RUBCN: variants seen among roughly 807,000 people sequenced by gnomAD.
RUBCN encodes rubicon autophagy regulator, also known as run domain Beclin-1-interacting and cysteine-rich domain-containing protein.
Under a neutral mutation model 113.2 loss-of-function variants are expected in RUBCN, and 74 were observed. The observed-to-expected ratio is 0.65, with a 90% CI of 0.54 to 0.79. The LOEUF (loss-of-function observed/expected upper bound fraction) is 0.79, where lower values mean the gene tolerates loss of function less well. RUBCN is among the 30% of genes least tolerant of loss of function. The pLI is 0.00. For missense variants in RUBCN, 1,109 were observed against 1,251.7 expected, an observed-to-expected ratio of 0.89 and a Z score of 1.72; for synonymous variants, 480 against 490.0, an observed-to-expected ratio of 0.98 and a Z score of 0.27.
chr3:197,729,370 A>G (rs905686442), intron 1 of RUBCN, among the ~76,000 whole-genome samples: 21 of 151,932 alleles, frequency 1.4e-4, no homozygotes, highest in African/African-American at 5.1e-4. Flanking sequence ...CTCCTGCCTC[A>G]GCCTCCCAAG....
intron 1 of RUBCN, among the ~76,000 whole-genome samples, chr3:197,742,103 G>A (rs1728549553): frequency 6.6e-6 from 1 of 151,824 alleles, no homozygotes; most frequent in Admixed American, 6.6e-5. Context: ...CACTGTGTTA[G>A]CCAGGATGGT....
intron 11 of RUBCN, among the ~76,000 whole-genome samples, chr3:197,686,061 C>T (rs1041236412): frequency 6.7e-6 from 1 of 149,248 alleles, no homozygotes. Flanking sequence ...GGGAGTAACA[C>T]AAAAGAAAAA....
At chr3:197,733,713 C>T (rs879363718) in intron 1 of RUBCN, among the ~76,000 whole-genome samples, 23 of 152,172 alleles carry the variant, frequency 1.5e-4, no homozygotes, top group Admixed American at 4.6e-4. Context: ...CAGCCGCCAA[C>T]ACAGTATGCC....
chr3:197,692,703 C>G (rs1362051751), intron 11 of RUBCN, among the ~76,000 whole-genome samples: 1 of 152,130 alleles, frequency 6.6e-6, no homozygotes, highest in Non-Finnish European at 1.5e-5. Context: ...TGTTGTCATA[C>G]ATAGAAATCA....
rs779608603 is a variant in RUBCN, at chr3:197,682,540, G to A, written c.2056C>T (p.Arg686Cys). 3.7e-6 allele frequency: 6 copies of A among 1,614,168 alleles called. No homozygotes were observed. The highest frequency in any genetic ancestry group is 4.5e-5 in the East Asian group (2 of 44,872). Residue 686 changes from arginine to cysteine, a missense_variant, in exon 14 of 20, where the codon CGT becomes TGT. Arg to Cys is a radical substitution (Grantham distance 180). Coordinates refer to ENST00000296343, the MANE Select transcript of RUBCN (RefSeq NM_014687.4). ...GCCCACTCCAAGTTGCCACGAACACGAATCCGCAGCTTGTAGATGTCAGCG... is the reference window on the plus strand; with the variant it reads ...GCCCACTCCAAGTTGCCACGAACACAAATCCGCAGCTTGTAGATGTCAGCG... ...QHADIYKLRI[R>C]VRGNLEWAPP...
chr3:197,745,193 G>A (rs2109025484), intron 1 of RUBCN, among the ~76,000 whole-genome samples: 1 of 151,644 alleles, frequency 6.6e-6, no homozygotes, highest in Non-Finnish European at 1.5e-5. Flanking sequence ...GCTGAGGCAG[G>A]AGAATTGCTT....
At chr3:197,716,745 G>T (rs750646124) in intron 2 of RUBCN, among the ~76,000 whole-genome samples, 26 of 152,138 alleles carry the variant, frequency 1.7e-4, no homozygotes, top group East Asian at 1.9e-4. Flanking sequence ...CAGTATAATT[G>T]TAAGAGTCCT....
intron 1 of RUBCN, among the ~76,000 whole-genome samples, chr3:197,730,203 C>A (rs981794693): frequency 3.9e-5 from 6 of 152,108 alleles, no homozygotes; most frequent in Non-Finnish European, 7.4e-5. Context: ...ACTGAGGAAC[C>A]ACCTCTCTAC....
intron 18 of RUBCN, 23 bp downstream of exon 18, chr3:197,676,862 A>G (rs758947600): frequency 6.2e-7 from 1 of 1,614,128 alleles, no homozygotes; most frequent in South Asian, 1.1e-5. Flanking sequence ...GCTCAGCTGC[A>G]TGCTACAGTG....
chr3:197,679,145 T>C (rs1347270510), intron 16 of RUBCN, among the ~76,000 whole-genome samples: 1 of 147,200 alleles, frequency 6.8e-6, no homozygotes, highest in Non-Finnish European at 1.5e-5. Context: ...GGCTTCAGAC[T>C]GTCCTATGCT....
At chr3:197,677,766 G>A (rs1217184243) in intron 16 of RUBCN, among the ~76,000 whole-genome samples, 1 of 151,120 alleles carries the variant, frequency 6.6e-6, no homozygotes, top group Non-Finnish European at 1.5e-5. Flanking sequence ...GCTTCAGACT[G>A]TCCTACGCTC....
At chr3:197,749,256 C>T in intron 1 of RUBCN, 1 of 1,039,352 alleles carries the variant, frequency 9.6e-7, no homozygotes, top group Non-Finnish European at 1.2e-6. Flanking sequence ...GCTACATCAA[C>T]AGAGGTACTT....
intron 1 of RUBCN, among the ~76,000 whole-genome samples, chr3:197,722,668 C>T (rs573306122): frequency 1.3e-5 from 2 of 151,620 alleles, no homozygotes; most frequent in South Asian, 2.1e-4. Flanking sequence ...CACACACACA[C>T]AACTGTTATA....
intron 2 of RUBCN, among the ~76,000 whole-genome samples, chr3:197,707,744 C>T (rs996855245): frequency 1.4e-4 from 22 of 152,114 alleles, no homozygotes; most frequent in Admixed American, 3.9e-4. Flanking sequence ...GGGAGGGTCA[C>T]CTGAGTCAGG....
At position 197,681,509 on chromosome 3, in the gene RUBCN, C is replaced by T. The variant is rs1241575184; in HGVS notation, c.2192-142G>A. On this transcript the variant is annotated intron_variant, in intron 15 of 19. Coordinates refer to ENST00000296343, the MANE Select transcript of RUBCN (RefSeq NM_014687.4). The surrounding 1 kb of genome is among the most constrained non-coding windows in gnomAD (Gnocchi z 5.5). ...CTCTGTCTGAGTTCCCCAAAGCTTG[C>T]AGAAATCCACATAGTGGATCCTGGG... is the stretch of plus-strand genomic sequence containing the variant. 157 of 715,254 alleles carry T rather than the reference C, an allele frequency of 2.2e-4. No individual in the cohort carries two copies. In the East Asian group the frequency reaches 4.1e-3, roughly 19 times the overall value. The allele number at this position is 715,254 out of a possible 1,614,324, so 44.3% of individuals were successfully genotyped here.
chr3:197,733,469 G>A (rs1468048790), intron 1 of RUBCN, among the ~76,000 whole-genome samples: 1 of 152,178 alleles, frequency 6.6e-6, no homozygotes. Context: ...GTGACACAGT[G>A]AGACCCTATC....
intron 18 of RUBCN, chr3:197,676,375 A>G (rs748111449): frequency 7.2e-6 from 7 of 976,280 alleles, no homozygotes; most frequent in East Asian, 1.0e-4. Flanking sequence ...GTGCAGTGGC[A>G]TGATCTCGGC....
At chr3:197,703,482 G>C in intron 5 of RUBCN, 66 bp downstream of exon 5, 2 of 900,078 alleles carry the variant, frequency 2.2e-6, no homozygotes, top group East Asian at 6.2e-5. Flanking sequence ...GTTTGCTGTA[G>C]AGGGCTACAT....
intron 16 of RUBCN, among the ~76,000 whole-genome samples, 200 bp from the exon 17 acceptor site, chr3:197,677,741 T>C (rs1720614263): frequency 6.6e-6 from 1 of 150,578 alleles, no homozygotes; most frequent in South Asian, 2.1e-4. Flanking sequence ...TGTCCCACAC[T>C]CTGACTGACA....
Sources: allele counts gnomAD v4.1 joint callset (sites outside exome capture counted in the v4.1 genomes callset), GRCh38; gene constraint gnomAD v4.1.1; non-coding constraint Gnocchi (gnomAD v3.1); transcripts MANE v1.5; gene names NCBI Gene and HGNC (gene_info 2026-07-23, HGNC 2026-07-21).